Variants in BANF1 observed in about 807,000 individuals in gnomAD.
The protein encoded by BANF1 is barrier to autointegration nuclear assembly factor 1, also known as barrier-to-autointegration factor.
For synonymous variants in BANF1, 49 were observed against 43.7 expected (o/e 1.12, Z -0.48); for missense variants, 47 against 110.4 (o/e 0.43, Z 2.57).
rs1207385049 is a variant in BANF1, at chr11:66,003,805, C to T, written c.*33C>T. On this transcript the variant is annotated 3_prime_UTR_variant, in exon 3 of 3. Coordinates refer to ENST00000312175, the MANE Select transcript of BANF1 (RefSeq NM_003860.4). The stretch of plus-strand genomic sequence containing the variant: ...TGGGAAGCTCTCAATCCCCAGCCCT[C>T]ATCCAGAGTTTGCAGCCGAGTAGGG... 2 of 1,613,448 alleles carry T rather than the reference C, an allele frequency of 1.2e-6. No homozygotes were observed. Among genetic ancestry groups the T allele is most frequent in the Non-Finnish European group, 1.7e-6 (2 of 1,179,966 alleles).
chr11:66,003,990 C>T lies in BANF1; in HGVS notation c.*218C>T, dbSNP rs1856077907. On this transcript the variant is annotated 3_prime_UTR_variant, in exon 3 of 3. Transcript: ENST00000312175. The stretch of plus-strand genomic sequence containing the variant: ...CCCGTCCTTTTTCCCTTGCCAGTTC[C>T]CTGGTGACAGTTACCAGCTTTCCTG... The T allele has an allele frequency of 1.7e-6, 1 of 575,018 alleles. No individual in the cohort carries two copies. The highest frequency in any genetic ancestry group is 2.0e-5 in the South Asian group (1 of 51,152). The allele number at this position is 575,018 out of a possible 1,614,324, so 35.6% of individuals were successfully genotyped here.
At chr11:66,003,012 T>G (rs548694660) in intron 1 of BANF1, 1 of 539,556 alleles carries the variant, frequency 1.9e-6, no homozygotes, top group Non-Finnish European at 3.3e-6. Flanking sequence ...CAGGATCGTT[T>G]TTCCTCTGGG....
Position 66,003,259 on chromosome 11 carries a change from C to T in BANF1, c.9C>T (p.Thr3=), listed in dbSNP as rs150372514. 88 of 1,613,400 alleles carry T rather than the reference C, an allele frequency of 5.5e-5. No homozygotes were observed. The African/African-American group carries it at 1.0e-3, about 19-fold the overall frequency. Residue 3 remains threonine, a synonymous_variant, in exon 2 of 3, where the codon ACC becomes ACT. Coordinates refer to ENST00000312175, the MANE Select transcript of BANF1 (RefSeq NM_003860.4). The part of the protein sequence containing the change: MT[T]SQKHRDFVAE... ...GATTAAGCCTGATCAAGATGACAAC[C>T]TCCCAAAAGCACCGAGACTTCGTGG... is the stretch of plus-strand genomic sequence containing the variant.
At chr11:66,003,516 C>T (rs2134971946) in intron 2 of BANF1, 110 bp from the exon 3 acceptor site, 3 of 1,609,726 alleles carry the variant, frequency 1.9e-6, no homozygotes, top group Non-Finnish European at 2.5e-6. Context: ...GGGCAAAACC[C>T]GCGCTGCTTC....
At chr11:66,003,037 C>G (rs903630728) in intron 1 of BANF1, 198 bp from the exon 2 acceptor site, 6 of 602,626 alleles carry the variant, frequency 1.0e-5, no homozygotes, top group Non-Finnish European at 1.8e-5. Flanking sequence ...GATCAAAATC[C>G]AGGTCCTGCA....
intron 2 of BANF1, 36 bp downstream of exon 2, chr11:66,003,409 G>T (rs544313647): frequency 1.9e-6 from 3 of 1,613,648 alleles, no homozygotes; most frequent in East Asian, 4.5e-5. Context: ...TGCAAGCGGG[G>T]GGTGGAAGGG....
rs1565063477 is a variant in BANF1 at position 66,003,215 on chromosome 11, C to T, written c.-16-20C>T. The T allele has an allele frequency of 1.9e-6, 3 of 1,603,650 alleles. No homozygotes were observed. Among genetic ancestry groups the T allele is most frequent in the South Asian group, 1.1e-5 (1 of 90,568 alleles). ...TTCCAGGTCTTCAGCCCTAATCTGC[C>T]TTTTTTTTGGGATTCCTAGATTAAG... On this transcript the variant is annotated intron_variant, in intron 1 of 2. Transcript: ENST00000312175.
rs755536616 is a variant in BANF1, at chr11:66,003,821, C to G, written c.*49C>G. On this transcript the variant is annotated 3_prime_UTR_variant, in exon 3 of 3. Transcript: ENST00000312175. ...CCCAGCCCTCATCCAGAGTTTGCAG[C>G]CGAGTAGGGACTCCTCCCCTGTCCT... 14 of 1,612,090 alleles carry G rather than the reference C, an allele frequency of 8.7e-6. No homozygotes were observed. Among genetic ancestry groups the G allele is most frequent in the Middle Eastern group, 1.8e-4 (1 of 5,450 alleles).
In BANF1 at chr11:66,003,667, TGAA is replaced by T. The variant is rs1196922459; in HGVS notation, c.168_170del (p.Glu56del). On this transcript the variant is annotated inframe_deletion, in exon 3 of 3. Coordinates refer to ENST00000312175, the MANE Select transcript of BANF1 (RefSeq NM_003860.4). The stretch of plus-strand genomic sequence containing the variant: ...GCCAGTTTCTGGTGCTAAAGAAAGA[TGAA>T]GACCTCTTCCGGGAATGGCTGAAAG... 1 of 1,614,030 alleles carries T rather than the reference TGAA, an allele frequency of 6.2e-7. No homozygotes were observed. Among genetic ancestry groups the T allele is most frequent in the Non-Finnish European group, 8.5e-7 (1 of 1,180,034 alleles).
At chr11:66,003,535 G>T in intron 2 of BANF1, 91 bp from the exon 3 acceptor site, 4 of 1,611,578 alleles carry the variant, frequency 2.5e-6, no homozygotes, top group South Asian at 1.1e-5. Context: ...TCCTGGGCTT[G>T]TGTGCTCTGA....
intron 1 of BANF1, 37 bp downstream of exon 1, chr11:66,002,607 G>C (rs1369113539): frequency 6.6e-6 from 1 of 152,382 alleles, no homozygotes; most frequent in African/African-American, 2.4e-5. Context: ...CTGATTGGAG[G>C]CCAGAGGGGT....
intron 1 of BANF1, 155 bp downstream of exon 1, chr11:66,002,725 C>G (rs1385985462): frequency 3.0e-5 from 4 of 134,798 alleles, no homozygotes; most frequent in African/African-American, 8.9e-5. Flanking sequence ...GGAGCCGGGC[C>G]GCGGGAAGGG....
At chr11:66,002,888 C>T (rs531738594) in intron 1 of BANF1, 6 of 338,094 alleles carry the variant, frequency 1.8e-5, no homozygotes, top group Admixed American at 1.2e-4. Flanking sequence ...CCGTTCCAGG[C>T]AGGCAGTGTC....
At chr11:66,002,923 A>T (rs575330166) in intron 1 of BANF1, 4 of 387,546 alleles carry the variant, frequency 1.0e-5, no homozygotes, top group African/African-American at 8.3e-5. Flanking sequence ...AAGGTCACAG[A>T]GGGAGTGATA....
intron 2 of BANF1, 124 bp from the exon 3 acceptor site, chr11:66,003,502 A>G: frequency 6.2e-7 from 1 of 1,608,244 alleles, no homozygotes; most frequent in Non-Finnish European, 8.5e-7. Context: ...TGGAGAGGAG[A>G]GGGGGGCAAA....
intron 1 of BANF1, 100 bp from the exon 2 acceptor site, chr11:66,003,135 G>T (rs1286362039): frequency 9.8e-6 from 13 of 1,323,988 alleles, no homozygotes; most frequent in Non-Finnish European, 1.3e-5. Context: ...GCAAGCCACT[G>T]TAACCCCTGG....
Position 66,003,673 on chromosome 11 carries a change from C to G in BANF1, c.171C>G (p.Asp57Glu). 6.2e-7 allele frequency: 1 copy of G among 1,614,104 alleles called. No individual in the cohort carries two copies. The highest frequency in any genetic ancestry group is 8.5e-7 in the Non-Finnish European group (1 of 1,180,030). ...TTCTGGTGCTAAAGAAAGATGAAGA[C>G]CTCTTCCGGGAATGGCTGAAAGACA... Reference protein sequence around the residue: ...GQFLVLKKDEDLFREWLKDTC... With the variant: ...GQFLVLKKDEELFREWLKDTC... The change falls in exon 3 of 3, where the codon GAC becomes GAG. Residue 57 changes from aspartate (D) to glutamate (E), a missense_variant. Physicochemically the swap from Asp to Glu is conservative, Grantham distance 45 (BLOSUM62 2). Transcript: ENST00000312175.
intron 1 of BANF1, 75 bp from the exon 2 acceptor site, chr11:66,003,160 A>G: frequency 6.5e-7 from 1 of 1,535,850 alleles, no homozygotes; most frequent in Middle Eastern, 2.3e-4. Flanking sequence ...GCTTCCTCTT[A>G]CTATGAGATT....
At position 66,003,275 on chromosome 11, in the gene BANF1, G is replaced by C. The variant is rs373827318; in HGVS notation, c.25G>C (p.Asp9His). The C allele has an allele frequency of 1.2e-6, 2 of 1,613,726 alleles. No individual in the cohort carries two copies. Among genetic ancestry groups the C allele is most frequent in the South Asian group, 1.1e-5 (1 of 91,046 alleles). The change falls in exon 2 of 3, where the codon GAC (aspartate) becomes CAC (histidine). Residue 9 changes from aspartate to histidine, a missense_variant. Coordinates refer to ENST00000312175, the MANE Select transcript of BANF1 (RefSeq NM_003860.4). Reference sequence around the variant, plus strand: ...GATGACAACCTCCCAAAAGCACCGAGACTTCGTGGCAGAGCCCATGGGGGA... The same window carrying C: ...GATGACAACCTCCCAAAAGCACCGACACTTCGTGGCAGAGCCCATGGGGGA... The part of the protein sequence containing the change: MTTSQKHR[D>H]FVAEPMGEKP...
Sources: allele counts gnomAD v4.1 joint callset, GRCh38; gene constraint gnomAD v4.1.1; transcripts MANE v1.5; gene names NCBI Gene and HGNC (gene_info 2026-07-23, HGNC 2026-07-21).